NKAIN2: variants seen among roughly 807,000 people sequenced by gnomAD.
The protein encoded by NKAIN2 is sodium/potassium-transporting ATPase subunit beta-1-interacting protein 2.
A neutral mutation model predicts 32.6 loss-of-function variants in NKAIN2; 14 were observed. The observed-to-expected ratio is 0.43, with a 90% confidence interval of 0.28 to 0.67. The LOEUF (loss-of-function observed/expected upper bound fraction) is 0.67. NKAIN2 is among the 30% of genes least tolerant of loss of function. The probability of loss-of-function intolerance (pLI) is 0.17; values close to 1 mark genes in which losing one functional copy is unlikely to be tolerated. For synonymous variants in NKAIN2, 80 were observed against 87.2 expected (o/e 0.92, Z 0.46); for missense variants, 198 against 258.3 (o/e 0.77, Z 1.60).
At chr6:124,209,307 C>CT (rs1212835966) in intron 1 of NKAIN2, among the ~76,000 whole-genome samples, 2 of 151,676 alleles carry the variant, frequency 1.3e-5, no homozygotes, top group African/African-American at 2.4e-5. Flanking sequence ...GAGTTCATTC[C>CT]TTTTTATGGC....
intron 4 of NKAIN2, among the ~76,000 whole-genome samples, chr6:124,787,313 C>T (rs988781757): frequency 2.0e-4 from 31 of 152,058 alleles, no homozygotes; most frequent in Non-Finnish European, 3.5e-4. Context: ...AACCCTAGAA[C>T]TTAAAATAAC....
At chr6:124,034,466 C>T (rs1562320647) in intron 1 of NKAIN2, among the ~76,000 whole-genome samples, 1 of 152,016 alleles carries the variant, frequency 6.6e-6, no homozygotes. Context: ...ATTTTTATGG[C>T]TTTGTAATAT....
intron 3 of NKAIN2, among the ~76,000 whole-genome samples, chr6:124,387,257 CTTCTA>C (rs765758922): frequency 4.0e-5 from 6 of 149,394 alleles, no homozygotes; most frequent in African/African-American, 9.9e-5. Flanking sequence ...TGTCTTTAGT[CTTCTA>C]TTCTGTAAAA....
At chr6:123,974,716 T>C (rs1385041045) in intron 1 of NKAIN2, among the ~76,000 whole-genome samples, 1 of 152,150 alleles carries the variant, frequency 6.6e-6, no homozygotes, top group South Asian at 2.1e-4. Flanking sequence ...ATTATGCAAC[T>C]GAGATCGAGC....
intron 1 of NKAIN2, among the ~76,000 whole-genome samples, chr6:124,161,274 G>A (rs181050221): frequency 6.6e-6 from 1 of 152,172 alleles, no homozygotes; most frequent in East Asian, 1.9e-4. Flanking sequence ...GTGATAAGGG[G>A]AGGTGCTACA....
intron 1 of NKAIN2, among the ~76,000 whole-genome samples, chr6:124,072,348 A>G (rs1363049402): frequency 1.3e-5 from 2 of 152,086 alleles, no homozygotes; most frequent in Admixed American, 1.3e-4. Context: ...TGAAAAACTA[A>G]CTACTGGGTA....
intron 1 of NKAIN2, among the ~76,000 whole-genome samples, chr6:124,002,429 A>G (rs1467781821): frequency 6.6e-6 from 1 of 151,676 alleles, no homozygotes; most frequent in Non-Finnish European, 1.5e-5. Context: ...GCTTTTTAAA[A>G]TTTGTTTTCC....
At chr6:124,728,704 A>G (rs1284859256) in intron 4 of NKAIN2, among the ~76,000 whole-genome samples, 1 of 146,108 alleles carries the variant, frequency 6.8e-6, no homozygotes, top group African/African-American at 2.5e-5. Flanking sequence ...AAATAACTAA[A>G]ATCAGAGCAG....
chr6:123,940,326 C>CTG (rs945155884), intron 1 of NKAIN2, among the ~76,000 whole-genome samples: 1 of 148,664 alleles, frequency 6.7e-6, no homozygotes, highest in Middle Eastern at 3.4e-3. Context: ...GTGTGTGTGC[C>CTG]TGTGTGTGTA....
intron 3 of NKAIN2, among the ~76,000 whole-genome samples, chr6:124,550,671 C>A (rs1410674124): frequency 6.6e-6 from 1 of 152,054 alleles, no homozygotes; most frequent in African/African-American, 2.4e-5. Flanking sequence ...ATTGACTATG[C>A]AGGAATAGTG....
At chr6:124,170,652 A>G (rs775923958) in intron 1 of NKAIN2, among the ~76,000 whole-genome samples, 6 of 152,190 alleles carry the variant, frequency 3.9e-5, no homozygotes, top group South Asian at 2.1e-4. Context: ...GATATTTTCT[A>G]TAAATACAGT....
intron 2 of NKAIN2, among the ~76,000 whole-genome samples, chr6:124,306,337 T>A (rs1363479027): frequency 6.6e-6 from 1 of 152,134 alleles, no homozygotes; most frequent in African/African-American, 2.4e-5. Flanking sequence ...AGGTAAAGAA[T>A]GTTGTATTTT....
At chr6:124,402,548 T>A (rs1204543597) in intron 3 of NKAIN2, among the ~76,000 whole-genome samples, 1 of 152,226 alleles carries the variant, frequency 6.6e-6, no homozygotes, top group Non-Finnish European at 1.5e-5. Context: ...ATAGAGCATT[T>A]AGTCTCAACA....
intron 1 of NKAIN2, among the ~76,000 whole-genome samples, chr6:124,208,508 A>G (rs1791009026): frequency 1.3e-5 from 2 of 151,748 alleles, no homozygotes; most frequent in African/African-American, 2.4e-5. Context: ...TTCTTTTCAT[A>G]TACTGATATA....
chr6:124,506,435 G>A (rs2114761239), intron 3 of NKAIN2, among the ~76,000 whole-genome samples: 1 of 152,328 alleles, frequency 6.6e-6, no homozygotes, highest in South Asian at 2.1e-4. Flanking sequence ...TCTCTGCCCA[G>A]GAGTGAGAAT....
chr6:124,347,387 G>T (rs1798481639), intron 2 of NKAIN2, among the ~76,000 whole-genome samples: 1 of 152,050 alleles, frequency 6.6e-6, no homozygotes, highest in Non-Finnish European at 1.5e-5. Context: ...GGCCTGCCTT[G>T]CTAGATTGGG....
intron 1 of NKAIN2, among the ~76,000 whole-genome samples, chr6:124,043,247 A>G (rs1213654042): frequency 2.6e-5 from 4 of 151,952 alleles, no homozygotes; most frequent in Non-Finnish European, 5.9e-5. Context: ...ATCCTAGACT[A>G]CTCAGGAGTC....
intron 1 of NKAIN2, among the ~76,000 whole-genome samples, chr6:123,915,228 A>G (rs1323825728): frequency 1.3e-5 from 2 of 152,142 alleles, no homozygotes; most frequent in Non-Finnish European, 2.9e-5. Flanking sequence ...AGGAAAATTT[A>G]GGTAACCTAT....
intron 1 of NKAIN2, among the ~76,000 whole-genome samples, chr6:123,956,011 A>T (rs1777568046): frequency 6.6e-6 from 1 of 152,148 alleles, no homozygotes; most frequent in Non-Finnish European, 1.5e-5. Context: ...GCATTATTTT[A>T]AAAATGCATG....
Sources: gnomAD v4.1 joint callset for allele counts (sites outside exome capture counted in the v4.1 genomes callset) on GRCh38, gnomAD v4.1.1 for gene constraint, MANE v1.5 for transcripts, NCBI Gene and HGNC (gene_info 2026-07-23, HGNC 2026-07-21) for gene names.